IFIT3: variants seen among roughly 807,000 people sequenced by gnomAD.
IFIT3 encodes the protein interferon-induced protein with tetratricopeptide repeats 3.
In IFIT3, 2 loss-of-function variants were observed where a neutral mutation model predicts 2.4. The ratio of observed to expected loss-of-function variants is 0.82; its 90% CI spans 0.34 to 2.60. IFIT3 has a LOEUF of 2.60. Ranked by LOEUF, IFIT3 falls within the 30% of genes most tolerant of loss-of-function variation. The probability of loss-of-function intolerance (pLI) is 0.11; values close to 1 mark genes in which losing one functional copy is unlikely to be tolerated. For missense variants in IFIT3, 481 were observed against 562.4 expected (o/e 0.86, Z 1.46); for synonymous variants, 203 against 212.1 (o/e 0.96, Z 0.37).
Position 89,340,187 on chromosome 10 carries a change from G to T in IFIT3, c.*59G>T. On this transcript the variant is annotated 3_prime_UTR_variant, in exon 2 of 2. Coordinates refer to ENST00000371818, the MANE Select transcript of IFIT3 (RefSeq NM_001549.6). ...CAGTGGTGGTTGTGACGGGTAGGAC[G>T]ATAGGAAGACAGGGGGCCCCAACCT... The T allele has an allele frequency of 3.3e-6, 5 of 1,501,246 alleles. No homozygotes were observed. The highest frequency in any genetic ancestry group is 3.6e-6 in the Non-Finnish European group (4 of 1,126,210). 93.0% of individuals were successfully genotyped at this position (1,501,246 alleles called of 1,614,324 possible). A position where few individuals can be genotyped will look rare whatever the true frequency, so the allele number is the denominator to read the frequency against.
intron 1 of IFIT3, among the ~76,000 whole-genome samples, chr10:89,337,444 G>T (rs76524008): frequency 0.02 from 2,998 of 152,188 alleles, 102 homozygotes; most frequent in African/African-American, 0.066. Flanking sequence ...CTATCACCCT[G>T]GCTGGAGTGT....
rs553432078 is a variant in IFIT3 at position 89,337,209 on chromosome 10, G to A, written c.6-1452G>A. On this transcript the variant is annotated intron_variant, in intron 1 of 1. Transcript: ENST00000371818. The stretch of plus-strand genomic sequence containing the variant: ...TATCTGGGCTTTTATTTCTTTACAT[G>A]TCTCCTAACAAAACTGAAAGCACCT... 2.0e-5 allele frequency among the ~76,000 whole-genome samples: 3 copies of A among 152,208 alleles called. No homozygotes were observed. The East Asian group carries it at 5.8e-4, about 29-fold the overall frequency.
In IFIT3 at chr10:89,339,732, A is replaced by T; in HGVS notation, c.1077A>T (p.Gln359His). 1 of 1,614,220 alleles carries T rather than the reference A, an allele frequency of 6.2e-7. No homozygotes were observed. The highest frequency in any genetic ancestry group is 8.5e-7 in the Non-Finnish European group (1 of 1,180,020). Reference protein sequence around the residue: ...NKEVPDAEKQQSHQRYCNLQK... With the variant: ...NKEVPDAEKQHSHQRYCNLQK... ...AAGTCCCTGATGCTGAAAAGCAACA[A>T]TCCCATCAGCGCTACTGCAACCTTC... is the stretch of plus-strand genomic sequence containing the variant. The change falls in exon 2 of 2, where the codon CAA (glutamine) becomes CAT (histidine). Residue 359 changes from glutamine to histidine, a missense_variant. Physicochemically the swap from Gln to His is conservative, Grantham distance 24. Transcript: ENST00000371818.
intron 1 of IFIT3, chr10:89,332,337 C>G: frequency 1.7e-6 from 1 of 587,166 alleles, no homozygotes; most frequent in Non-Finnish European, 2.7e-6. Flanking sequence ...ATTTTATTTT[C>G]TTTTTACAGT....
chr10:89,331,130 G>C (rs1332985647), intron 1 of IFIT3, among the ~76,000 whole-genome samples: 3 of 152,184 alleles, frequency 2.0e-5, no homozygotes, highest in Admixed American at 2.0e-4. Context: ...AGACAGAGGT[G>C]TTCAACAGAA....
At chr10:89,331,858 CAAAAAAAAAAAA>C (rs10540155) in intron 1 of IFIT3, among the ~76,000 whole-genome samples, 1 of 80,608 alleles carries the variant, frequency 1.2e-5, no homozygotes, top group Non-Finnish European at 2.6e-5. Context: ...GATCCTGTCT[CAAAAAAAAAAAA>C]AAAAAAAAAA....
At chr10:89,333,811 T>TC (rs763490127) in intron 1 of IFIT3, among the ~76,000 whole-genome samples, 10 of 152,164 alleles carry the variant, frequency 6.6e-5, no homozygotes, top group African/African-American at 2.2e-4. Flanking sequence ...GAAGCTGAGA[T>TC]CCCCCGGGAG....
At chr10:89,335,637 A>G (rs1247923141) in intron 1 of IFIT3, 1 of 151,942 alleles carries the variant, frequency 6.6e-6, no homozygotes, top group Non-Finnish European at 1.5e-5. Flanking sequence ...AATACATCCA[A>G]CATCACCTGT....
chr10:89,338,444 G>A (rs532279869), intron 1 of IFIT3, among the ~76,000 whole-genome samples: 6 of 152,230 alleles, frequency 3.9e-5, no homozygotes, highest in South Asian at 2.1e-4. Flanking sequence ...AATGGATAAT[G>A]CCCACCCATA....
At chr10:89,332,232 G>C (rs928267795) in intron 1 of IFIT3, among the ~76,000 whole-genome samples, 1 of 152,236 alleles carries the variant, frequency 6.6e-6, no homozygotes, top group African/African-American at 2.4e-5. Flanking sequence ...AAGAGCAACA[G>C]TCATGCACCT....
Position 89,339,047 on chromosome 10 carries a change from A to G in IFIT3, c.392A>G (p.Tyr131Cys). ...KQTCKKFSNP[Y>C]SIEYSELDCE... Reference sequence around the variant, plus strand: ...ACCTGCAAGAAATTTTCAAATCCATACAGTATTGAGTATTCTGAACTTGAC... The same window carrying G: ...ACCTGCAAGAAATTTTCAAATCCATGCAGTATTGAGTATTCTGAACTTGAC... The change falls in exon 2 of 2, where the codon TAC (tyrosine) becomes TGC (cysteine). Residue 131 changes from tyrosine (Y) to cysteine (C), a missense_variant. Tyr to Cys is a radical substitution (Grantham distance 194, BLOSUM62 -2). Coordinates refer to ENST00000371818, the MANE Select transcript of IFIT3 (RefSeq NM_001549.6). The G allele has an allele frequency of 6.2e-7, 1 of 1,614,132 alleles. No individual in the cohort carries two copies. The highest frequency in any genetic ancestry group is 8.5e-7 in the Non-Finnish European group (1 of 1,180,024).
intron 1 of IFIT3, chr10:89,332,482 A>C: frequency 6.5e-7 from 1 of 1,541,130 alleles, no homozygotes; most frequent in Non-Finnish European, 8.7e-7. Context: ...CATCAGTTTC[A>C]CTTTCCTTTC....
chr10:89,332,388 C>A, intron 1 of IFIT3: 1 of 986,678 alleles, frequency 1.0e-6, no homozygotes, highest in Non-Finnish European at 1.4e-6. Flanking sequence ...CCAAATCTGT[C>A]TGGAACATGT....
At position 89,340,151 on chromosome 10, in the gene IFIT3, T is replaced by A; in HGVS notation, c.*23T>A. On this transcript the variant is annotated 3_prime_UTR_variant, in exon 2 of 2. Coordinates refer to ENST00000371818, the MANE Select transcript of IFIT3 (RefSeq NM_001549.6). ...TGAGACAGAGGAGGAAAACAGAGCA[T>A]CAGAAGCCTGCAGTGGTGGTTGTGA... The A allele has an allele frequency of 6.4e-7, 1 of 1,552,066 alleles. No homozygotes were observed. Among genetic ancestry groups the A allele is most frequent in the Non-Finnish European group, 8.7e-7 (1 of 1,149,944 alleles).
intron 1 of IFIT3, among the ~76,000 whole-genome samples, chr10:89,330,480 C>A (rs1436670327): frequency 6.6e-6 from 1 of 152,160 alleles, no homozygotes; most frequent in African/African-American, 2.4e-5. Context: ...GATGGGCTTC[C>A]TATCTGGAGA....
At chr10:89,336,161 G>A (rs1190149715) in intron 1 of IFIT3, among the ~76,000 whole-genome samples, 1 of 147,364 alleles carries the variant, frequency 6.8e-6, no homozygotes, top group Admixed American at 6.8e-5. Context: ...AGGGAGGAAG[G>A]GAGGGAGGGA....
At chr10:89,335,895 T>C (rs988442248) in intron 1 of IFIT3, among the ~76,000 whole-genome samples, 2 of 152,206 alleles carry the variant, frequency 1.3e-5, no homozygotes, top group African/African-American at 2.4e-5. Context: ...TTACTTTTGG[T>C]ATTCATTTTT....
At position 89,340,285 on chromosome 10, in the gene IFIT3, G is replaced by T. The variant is rs138354395; in HGVS notation, c.*157G>T. ...TTAAAGAGTTGTTTTTTGGCCGGGC[G>T]CAGTGGCTCATGCCTGTAATCCCAG... is the stretch of plus-strand genomic sequence containing the variant. On this transcript the variant is annotated 3_prime_UTR_variant, in exon 2 of 2. Transcript: ENST00000371818. The T allele has an allele frequency of 4.3e-5, 31 of 725,018 alleles. No individual in the cohort carries two copies. The highest frequency in any genetic ancestry group is 6.3e-5 in the Admixed American group (2 of 31,600). The allele number at this position is 725,018 out of a possible 1,614,324, so 44.9% of individuals were successfully genotyped here.
At position 89,339,741 on chromosome 10, in the gene IFIT3, G is replaced by A; in HGVS notation, c.1086G>A (p.Gln362=). 6.2e-7 allele frequency: 1 copy of A among 1,614,180 alleles called. No individual in the cohort carries two copies. The highest frequency in any genetic ancestry group is 8.5e-7 in the Non-Finnish European group (1 of 1,180,034). Residue 362 remains glutamine (Q), a synonymous_variant, in exon 2 of 2, where the codon CAG becomes CAA. Transcript: ENST00000371818. ...VPDAEKQQSH[Q]RYCNLQKYNG... ...ATGCTGAAAAGCAACAATCCCATCA[G>A]CGCTACTGCAACCTTCAGAAATATA...
Sources: gnomAD v4.1 joint callset for allele counts (sites outside exome capture counted in the v4.1 genomes callset) on GRCh38, gnomAD v4.1.1 for gene constraint, MANE v1.5 for transcripts, NCBI Gene and HGNC (gene_info 2026-07-23, HGNC 2026-07-21) for gene names.